Variants in HDAC4 observed in about 807,000 individuals in gnomAD.
HDAC4 encodes the protein histone deacetylase 4, also known as histone deacetylase A.
In HDAC4, 16 loss-of-function variants were observed where a neutral mutation model predicts 135.1. The observed-to-expected ratio is 0.12, with a 90% CI of 0.08 to 0.18. The LOEUF is 0.18. Ranked by LOEUF, HDAC4 falls within the 10% of genes least tolerant of loss-of-function variation. The probability of loss-of-function intolerance (pLI) is 1.00; values close to 1 mark genes in which losing one functional copy is unlikely to be tolerated. For synonymous variants in HDAC4, 685 were observed against 653.4 expected (o/e 1.05, Z -0.74); for missense variants, 1,143 against 1,511.8 (o/e 0.76, Z 4.05).
chr2:239,361,259 A>C (rs1368946201), intron 1 of HDAC4, among the ~76,000 whole-genome samples: 1 of 152,218 alleles, frequency 6.6e-6, no homozygotes, highest in Non-Finnish European at 1.5e-5. Flanking sequence ...GTCTTCCTGG[A>C]TTCCCCTCAG....
At chr2:239,340,158 C>T (rs554959206) in intron 2 of HDAC4, among the ~76,000 whole-genome samples, 4 of 152,288 alleles carry the variant, frequency 2.6e-5, no homozygotes, top group African/African-American at 9.6e-5. Context: ...CCCCAGGACA[C>T]CCCAGCTCTT....
intron 2 of HDAC4, among the ~76,000 whole-genome samples, chr2:239,286,071 G>T (rs181576629): frequency 6.6e-6 from 1 of 152,120 alleles, no homozygotes; most frequent in Non-Finnish European, 1.5e-5. Flanking sequence ...GAAATGGTAC[G>T]ATTACTGTTT....
chr2:239,229,026 C>T (rs1390777372), intron 3 of HDAC4, among the ~76,000 whole-genome samples: 5 of 152,086 alleles, frequency 3.3e-5, no homozygotes, highest in Admixed American at 6.5e-5. Flanking sequence ...CCTGTAATCC[C>T]AGCTATTCAG....
chr2:239,351,279 T>C (rs1693135997), intron 2 of HDAC4, among the ~76,000 whole-genome samples: 1 of 152,184 alleles, frequency 6.6e-6, no homozygotes, highest in African/African-American at 2.4e-5. Flanking sequence ...CACATAAATA[T>C]CCATTCGCAA....
At chr2:239,323,428 A>C (rs894694343) in intron 2 of HDAC4, among the ~76,000 whole-genome samples, 1 of 152,216 alleles carries the variant, frequency 6.6e-6, no homozygotes, top group African/African-American at 2.4e-5. Context: ...TAAGTAAAGA[A>C]AAGACTACAT....
intron 3 of HDAC4, among the ~76,000 whole-genome samples, chr2:239,210,566 T>C (rs948133397): frequency 6.6e-6 from 1 of 152,232 alleles, no homozygotes. Context: ...GCACAACGGC[T>C]TGGGGCTCCC....
Position 239,306,136 on chromosome 2 carries a change from A to G in HDAC4, c.22+46542T>C, listed in dbSNP as rs1284243792. On this transcript the variant is annotated intron_variant, in intron 2 of 26. Coordinates refer to ENST00000543185, the MANE Select transcript of HDAC4 (RefSeq NM_001378414.1). This position sits in a 1 kb window ranked among gnomAD's most constrained non-coding sequence, Gnocchi z 4.5. ...GCCCACCTCGGTCAGCCTTGCTTCT[A>G]GAAACCGAGGATTCTGGGTTTGGAG... is the stretch of plus-strand genomic sequence containing the variant. 6.6e-6 allele frequency among the ~76,000 whole-genome samples: 1 copy of G among 152,228 alleles called. No individual in the cohort carries two copies. Among genetic ancestry groups the G allele is most frequent in the Non-Finnish European group, 1.5e-5 (1 of 68,034 alleles).
intron 3 of HDAC4, among the ~76,000 whole-genome samples, chr2:239,216,197 T>TAC (rs1268595873): frequency 6.6e-6 from 1 of 151,962 alleles, no homozygotes; most frequent in Non-Finnish European, 1.5e-5. Context: ...TGTTTATATA[T>TAC]ATACACACAC....
Position 239,156,577 on chromosome 2 carries a change from G to A in HDAC4, c.733+75C>T, listed in dbSNP as rs2042436466. ...CTTCTCTAAGTGGAAGACAGCGGTG[G>A]GCCCTGCGTGGCTTGTGGCGTGGAA... On this transcript the variant is annotated intron_variant, in intron 7 of 26. Coordinates refer to ENST00000543185, the MANE Select transcript of HDAC4 (RefSeq NM_001378414.1). 1.6e-5 allele frequency: 26 copies of A among 1,580,362 alleles called. No homozygotes were observed. In the South Asian group the frequency reaches 2.5e-4, roughly 15 times the overall value.
chr2:239,100,752 G>T (rs1032822587), intron 16 of HDAC4, among the ~76,000 whole-genome samples: 22 of 152,172 alleles, frequency 1.4e-4, no homozygotes, highest in African/African-American at 5.3e-4. Flanking sequence ...CCACAGAGGG[G>T]TCTCCTGTCT....
At chr2:239,132,187 T>A (rs941233530) in intron 11 of HDAC4, among the ~76,000 whole-genome samples, 1 of 152,174 alleles carries the variant, frequency 6.6e-6, no homozygotes, top group Non-Finnish European at 1.5e-5. Context: ...CACAGCCCAC[T>A]TAACCCTCAT....
intron 11 of HDAC4, among the ~76,000 whole-genome samples, chr2:239,129,388 T>C (rs1326052309): frequency 6.6e-6 from 1 of 152,200 alleles, no homozygotes; most frequent in Non-Finnish European, 1.5e-5. Context: ...CATAAGTCCA[T>C]CAGGACACAA....
chr2:239,182,000 G>A (rs908646424), intron 4 of HDAC4, among the ~76,000 whole-genome samples: 7 of 152,156 alleles, frequency 4.6e-5, no homozygotes, highest in African/African-American at 1.7e-4. Flanking sequence ...TTCCTAACGC[G>A]GTGTTCCTTG....
intron 25 of HDAC4, 26 bp downstream of exon 25, chr2:239,054,722 CT>C (rs764175950): frequency 1.3e-6 from 2 of 1,510,318 alleles, no homozygotes; most frequent in South Asian, 2.2e-5. Flanking sequence ...GGCGTGTCCC[CT>C]GTGAGCACCC....
At chr2:239,252,047 G>A (rs932701765) in intron 2 of HDAC4, among the ~76,000 whole-genome samples, 7 of 152,178 alleles carry the variant, frequency 4.6e-5, no homozygotes, top group African/African-American at 1.7e-4. Context: ...CCACCACCAG[G>A]AGAAGCGACT....
rs532631988 is a variant in HDAC4 at position 239,206,033 on chromosome 2, C to T, written c.95-15956G>A. Among the ~76,000 whole-genome samples, 51 of 152,254 alleles carry T rather than the reference C, an allele frequency of 3.3e-4. 1 individual carries two copies. Among genetic ancestry groups the T allele is most frequent in the African/African-American group, 9.4e-4 (39 of 41,538 alleles). On this transcript the variant is annotated intron_variant, in intron 3 of 26. Coordinates refer to ENST00000543185, the MANE Select transcript of HDAC4 (RefSeq NM_001378414.1). ...AAGAAAGAAATAATTTGTTGGATAA[C>T]GAATATGGCTGTTAGTTACACCCAG... is the stretch of plus-strand genomic sequence containing the variant.
intron 17 of HDAC4, chr2:239,094,749 C>T: frequency 1.5e-6 from 2 of 1,333,784 alleles, no homozygotes; most frequent in Non-Finnish European, 1.9e-6. Context: ...ATACAGGATC[C>T]TGTTTCTTAA....
chr2:239,273,484 T>C (rs531596135), intron 2 of HDAC4, among the ~76,000 whole-genome samples: 8 of 152,136 alleles, frequency 5.3e-5, no homozygotes, highest in Non-Finnish European at 1.0e-4. Context: ...TCTGCAGAAG[T>C]CTTTTACCTG....
intron 11 of HDAC4, among the ~76,000 whole-genome samples, chr2:239,132,134 T>C (rs1040922950): frequency 7.2e-5 from 11 of 151,896 alleles, no homozygotes; most frequent in Non-Finnish European, 1.2e-4. Flanking sequence ...AACAAGGCAA[T>C]GACTACAACA....
Sources: allele counts gnomAD v4.1 joint callset (sites outside exome capture counted in the v4.1 genomes callset), GRCh38; gene constraint gnomAD v4.1.1; non-coding constraint Gnocchi (gnomAD v3.1); transcripts MANE v1.5; gene names NCBI Gene and HGNC (gene_info 2026-07-23, HGNC 2026-07-21).